Variants in CSK observed in about 807,000 individuals in gnomAD.
CSK encodes tyrosine-protein kinase CSK.
CSK carries 7 observed loss-of-function variants against 62.3 expected under a neutral mutation model. The observed-to-expected ratio is 0.11, with a 90% CI of 0.06 to 0.21. The LOEUF (loss-of-function observed/expected upper bound fraction) is 0.21. Ranked by LOEUF, CSK falls within the 10% of genes least tolerant of loss-of-function variation. The pLI is 1.00. For synonymous variants in CSK, 237 were observed against 246.0 expected (o/e 0.96, Z 0.34); for missense variants, 294 against 613.5 (o/e 0.48, Z 5.50).
intron 1 of CSK, among the ~76,000 whole-genome samples, chr15:74,796,620 AG>A (rs1855609712): frequency 6.6e-6 from 1 of 151,952 alleles, no homozygotes; most frequent in Non-Finnish European, 1.5e-5. Context: ...GAAAAGAAAA[AG>A]AAAAAATCCA....
intron 5 of CSK, among the ~76,000 whole-genome samples, chr15:74,799,920 C>T (rs1306495180): frequency 6.6e-6 from 1 of 152,216 alleles, no homozygotes; most frequent in South Asian, 2.1e-4. Context: ...GAGGCTCTCG[C>T]ACCTGCACGG....
chr15:74,802,212 A>G, intron 12 of CSK, 119 bp from the exon 13 acceptor site: 1 of 1,397,760 alleles, frequency 7.2e-7, no homozygotes, highest in Non-Finnish European at 9.7e-7. Flanking sequence ...GGGAGCTCAC[A>G]GGCCACTCTC....
chr15:74,798,765 G>C lies in CSK; in HGVS notation c.129+37G>C. On this transcript the variant is annotated intron_variant, in intron 3 of 12. Coordinates refer to ENST00000220003, the MANE Select transcript of CSK (RefSeq NM_004383.3). The surrounding 1 kb of genome is among the most constrained non-coding windows in gnomAD (Gnocchi z 6.6). ...ACGCCCACCCCACCATCCCACTGCT[G>C]GGCCTTCCCTCTGCAGGGGGAGGTG... 1 of 1,608,548 alleles carries C rather than the reference G, an allele frequency of 6.2e-7. No homozygotes were observed. Among genetic ancestry groups the C allele is most frequent in the Non-Finnish European group, 8.5e-7 (1 of 1,176,042 alleles).
At position 74,802,586 on chromosome 15, in the gene CSK, C is replaced by T. The variant is rs1190707602; in HGVS notation, c.*73C>T. The T allele has an allele frequency of 1.3e-5, 21 of 1,562,774 alleles. No homozygotes were observed. Among genetic ancestry groups the T allele is most frequent in the Non-Finnish European group, 1.7e-5 (20 of 1,155,716 alleles). ...AGATCATGGACCTGGTGCCCCTGCT[C>T]ACTGGGCCCGAGCCTGAACTGAGCC... On this transcript the variant is annotated 3_prime_UTR_variant, in exon 13 of 13. Transcript: ENST00000220003.
Position 74,798,380 on chromosome 15 carries a change from G to A in CSK, c.15+68G>A. The stretch of plus-strand genomic sequence containing the variant: ...CAGCCCCAGCGGGGTGCTTAGCAGA[G>A]GAGAGAGGATGCAGCTTAGATCAAC... On this transcript the variant is annotated intron_variant, in intron 2 of 12. Coordinates refer to ENST00000220003, the MANE Select transcript of CSK (RefSeq NM_004383.3). The surrounding 1 kb of genome is among the most constrained non-coding windows in gnomAD (Gnocchi z 6.6). The A allele has an allele frequency of 6.4e-7, 1 of 1,574,668 alleles. No individual in the cohort carries two copies. Among genetic ancestry groups the A allele is most frequent in the Non-Finnish European group, 8.7e-7 (1 of 1,155,642 alleles).
At chr15:74,788,500 C>A (rs145592256) in intron 1 of CSK, 1 of 152,288 alleles carries the variant, frequency 6.6e-6, no homozygotes, top group African/African-American at 2.4e-5. Flanking sequence ...TAATGCAGTG[C>A]CCCAAACCCG....
intron 1 of CSK, among the ~76,000 whole-genome samples, chr15:74,793,537 C>T (rs2063657769): frequency 1.3e-5 from 2 of 152,310 alleles, no homozygotes; most frequent in South Asian, 4.1e-4. Context: ...ACAGAATGCT[C>T]ACTCAAGGTG....
chr15:74,788,965 C>G (rs2063570897), intron 1 of CSK, among the ~76,000 whole-genome samples: 1 of 152,152 alleles, frequency 6.6e-6, no homozygotes, highest in Non-Finnish European at 1.5e-5. Flanking sequence ...TAATTAGGCT[C>G]CTGAGCGGTA....
chr15:74,801,018 G>A lies in CSK; in HGVS notation c.729G>A (p.Leu243=). The A allele has an allele frequency of 6.2e-7, 1 of 1,613,350 alleles. No homozygotes were observed. Among genetic ancestry groups the A allele is most frequent in the East Asian group, 2.2e-5 (1 of 44,880 alleles). Reference sequence around the variant, plus strand: ...CACTCTCGTCCTGCCCCAGGCAACTGCGGCATAGCAACCTGGTGCAGCTCC... The same window carrying A: ...CACTCTCGTCCTGCCCCAGGCAACTACGGCATAGCAACCTGGTGCAGCTCC... ...FLAEASVMTQ[L]RHSNLVQLLG... The change falls in exon 9 of 13, where the codon CTG becomes CTA. Residue 243 remains leucine (L), a synonymous_variant. Coordinates refer to ENST00000220003, the MANE Select transcript of CSK (RefSeq NM_004383.3).
intron 1 of CSK, among the ~76,000 whole-genome samples, chr15:74,794,852 C>A (rs1480033498): frequency 6.6e-6 from 1 of 152,184 alleles, no homozygotes; most frequent in Non-Finnish European, 1.5e-5. Flanking sequence ...ACATGCCCCC[C>A]TGCTGAGGCC....
Position 74,802,343 on chromosome 15 carries a change from G to C in CSK, c.1183G>C (p.Val395Leu). The C allele has an allele frequency of 6.3e-7, 1 of 1,597,390 alleles. No homozygotes were observed. Among genetic ancestry groups the C allele is most frequent in the Non-Finnish European group, 8.5e-7 (1 of 1,174,610 alleles). ...VPYPRIPLKD[V>L]VPRVEKGYKM... The stretch of plus-strand genomic sequence containing the variant: ...CCCCTGGCCACAGCCCCTGAAGGAC[G>C]TCGTCCCTCGGGTGGAGAAGGGCTA... Residue 395 changes from valine to leucine, a missense_variant, in exon 13 of 13, where the codon GTC becomes CTC. By Grantham distance (32) the Val-to-Leu change is conservative. Transcript: ENST00000220003.
In CSK at chr15:74,792,070, G is replaced by A. The variant is rs1395263058; in HGVS notation, c.-65-6163G>A. ...TCTATCATGGGGAGTGTTCAGTATC[G>A]GCATCTAGAGATCTCCCCTGGCCCC... On this transcript the variant is annotated intron_variant, in intron 1 of 12. Transcript: ENST00000220003. Among the ~76,000 whole-genome samples, 4 of 152,010 alleles carry A rather than the reference G, an allele frequency of 2.6e-5. No individual in the cohort carries two copies. In the East Asian group the frequency reaches 7.7e-4, roughly 29 times the overall value.
At chr15:74,801,149 A>C in intron 9 of CSK, 47 bp downstream of exon 9, 1 of 1,604,758 alleles carries the variant, frequency 6.2e-7, no homozygotes, top group Non-Finnish European at 8.5e-7. Flanking sequence ...AACTGCCCCG[A>C]AACCCCCACT....
At chr15:74,787,240 G>A (rs949958922) in intron 1 of CSK, among the ~76,000 whole-genome samples, 4 of 152,164 alleles carry the variant, frequency 2.6e-5, no homozygotes, top group Non-Finnish European at 5.9e-5. Flanking sequence ...ATAAAGAGCT[G>A]GTGAAGGAAG....
At chr15:74,792,676 G>A (rs1400004596) in intron 1 of CSK, among the ~76,000 whole-genome samples, 6 of 152,236 alleles carry the variant, frequency 3.9e-5, no homozygotes, top group Admixed American at 3.9e-4. Context: ...GCAGTGGGAG[G>A]GTCTCACCTT....
chr15:74,789,874 G>A (rs1461979931), intron 1 of CSK, among the ~76,000 whole-genome samples: 1 of 152,222 alleles, frequency 6.6e-6, no homozygotes, highest in Non-Finnish European at 1.5e-5. Context: ...CAGGAGGACA[G>A]GAGCCGGGTC....
chr15:74,782,959 G>C lies in CSK; in HGVS notation c.-66+239G>C, dbSNP rs1384589479. Among the ~76,000 whole-genome samples the C allele has an allele frequency of 1.3e-5, 2 of 152,232 alleles. No homozygotes were observed. Among genetic ancestry groups the C allele is most frequent in the Non-Finnish European group, 2.9e-5 (2 of 68,038 alleles). Reference sequence around the variant, plus strand: ...TGCAGCTCCACGGACTCGTCTTCTCGGGTCATCCCGAGTCCCCCCCTCTGT... The same window carrying C: ...TGCAGCTCCACGGACTCGTCTTCTCCGGTCATCCCGAGTCCCCCCCTCTGT... On this transcript the variant is annotated intron_variant, in intron 1 of 12. Coordinates refer to ENST00000220003, the MANE Select transcript of CSK (RefSeq NM_004383.3). This position sits in a 1 kb window ranked among gnomAD's most constrained non-coding sequence, Gnocchi z 5.7.
rs1296736278 is a variant in CSK at position 74,782,301 on chromosome 15, GC to G, written c.-481del. On this transcript the variant is annotated 5_prime_UTR_variant, in exon 1 of 13. Transcript: ENST00000220003. The surrounding 1 kb of genome is among the most constrained non-coding windows in gnomAD (Gnocchi z 5.7). Reference sequence around the variant, plus strand: ...CGTAACCCGGCCCGCCGTCCCTCCCGCCCCAGCCAGCCTCTGGCCGCCGGAG... The same window carrying G: ...CGTAACCCGGCCCGCCGTCCCTCCCGCCCAGCCAGCCTCTGGCCGCCGGAG... 6.7e-6 allele frequency: 1 copy of G among 148,916 alleles called. No homozygotes were observed. Among genetic ancestry groups the G allele is most frequent in the Admixed American group, 6.7e-5 (1 of 15,022 alleles). 9.2% of individuals were successfully genotyped at this position (148,916 alleles called of 1,614,324 possible).
chr15:74,798,496 G>C lies in CSK; in HGVS notation c.16-119G>C. 1 of 1,218,888 alleles carries C rather than the reference G, an allele frequency of 8.2e-7. No individual in the cohort carries two copies. The highest frequency in any genetic ancestry group is 1.2e-6 in the Non-Finnish European group (1 of 843,898). The allele number at this position is 1,218,888 out of a possible 1,614,324, so 75.5% of individuals were successfully genotyped here. ...AAGGGACCCAGGGCTCGTTCTCCGGGCAGAGCACCTCACCCAGGCTCACAG... is the reference window on the plus strand; with the variant it reads ...AAGGGACCCAGGGCTCGTTCTCCGGCCAGAGCACCTCACCCAGGCTCACAG... On this transcript the variant is annotated intron_variant, in intron 2 of 12. Transcript: ENST00000220003. This position sits in a 1 kb window ranked among gnomAD's most constrained non-coding sequence, Gnocchi z 6.6.
Sources: gnomAD v4.1 joint callset for allele counts (sites outside exome capture counted in the v4.1 genomes callset) on GRCh38, gnomAD v4.1.1 for gene constraint, Gnocchi (gnomAD v3.1) non-coding constraint, MANE v1.5 for transcripts, NCBI Gene and HGNC (gene_info 2026-07-23, HGNC 2026-07-21) for gene names.